Variants in RBM38 observed in about 807,000 individuals in gnomAD.
RBM38 encodes the protein RNA binding motif protein 38.
Under a neutral mutation model 23.5 loss-of-function variants are expected in RBM38, and 11 were observed. The ratio of observed to expected loss-of-function variants is 0.47; its 90% CI spans 0.29 to 0.77. The LOEUF (loss-of-function observed/expected upper bound fraction) is 0.77. Ranked by LOEUF, RBM38 falls within the 30% of genes least tolerant of loss-of-function variation. The pLI is 0.08. For missense variants in RBM38, 330 were observed against 351.9 expected, an observed-to-expected ratio of 0.94 and a Z score of 0.50; for synonymous variants, 165 against 166.1, an observed-to-expected ratio of 0.99 and a Z score of 0.05.
At chr20:57,397,070 C>T (rs2067281946) in intron 3 of RBM38, among the ~76,000 whole-genome samples, 1 of 152,170 alleles carries the variant, frequency 6.6e-6, no homozygotes, top group Admixed American at 6.5e-5. Context: ...GAGCAAGAGC[C>T]CTGGGGGTCT....
At chr20:57,406,736 G>A (rs1344623077) in intron 3 of RBM38, among the ~76,000 whole-genome samples, 6 of 152,218 alleles carry the variant, frequency 3.9e-5, no homozygotes, top group Non-Finnish European at 5.9e-5. Flanking sequence ...GCTCACGCCT[G>A]TAATCCCAGC....
At chr20:57,392,012 G>GCCCCCACCCCCACCCCCACCCCCA (rs539739783) in intron 1 of RBM38, among the ~76,000 whole-genome samples, 194 bp downstream of exon 1, 4 of 79,644 alleles carry the variant, frequency 5.0e-5, no homozygotes, top group Non-Finnish European at 9.8e-5. Flanking sequence ...CCAGGCCCCG[G>GCCCCCACCCCCACCCCCACCCCCA]CCCCCACCCC....
At chr20:57,395,015 A>G (rs2067259931) in intron 3 of RBM38, among the ~76,000 whole-genome samples, 1 of 152,210 alleles carries the variant, frequency 6.6e-6, no homozygotes, top group South Asian at 2.1e-4. Context: ...GCCCCTTACC[A>G]GCTGGGTCTG....
At chr20:57,394,905 C>T (rs1006729532) in intron 3 of RBM38, among the ~76,000 whole-genome samples, 1 of 152,064 alleles carries the variant, frequency 6.6e-6, no homozygotes, top group East Asian at 1.9e-4. Context: ...TTCCCACGTG[C>T]GTCTGGGCTC....
intron 3 of RBM38, among the ~76,000 whole-genome samples, chr20:57,395,756 C>T (rs773823699): frequency 1.7e-4 from 24 of 141,358 alleles, no homozygotes; most frequent in Non-Finnish European, 2.8e-4. Context: ...CGCCCGCTGA[C>T]GGAGCTGGAG....
At chr20:57,394,698 A>G (rs528551869) in intron 3 of RBM38, among the ~76,000 whole-genome samples, 2 of 152,200 alleles carry the variant, frequency 1.3e-5, no homozygotes, top group East Asian at 3.9e-4. Flanking sequence ...TGTAGCCTTC[A>G]TGCCTTCACC....
chr20:57,403,915 C>T (rs748806644), intron 3 of RBM38, among the ~76,000 whole-genome samples: 1 of 152,254 alleles, frequency 6.6e-6, no homozygotes, highest in Non-Finnish European at 1.5e-5. Flanking sequence ...CCACTGCGCC[C>T]AGCCTTCCGT....
chr20:57,400,906 C>T (rs1000423184), intron 3 of RBM38, among the ~76,000 whole-genome samples: 1 of 152,158 alleles, frequency 6.6e-6, no homozygotes. Flanking sequence ...GGCTCTGCAA[C>T]CCTGGGGAGC....
intron 1 of RBM38, 106 bp downstream of exon 1, chr20:57,391,924 C>A: frequency 2.5e-6 from 2 of 784,832 alleles, no homozygotes; most frequent in Non-Finnish European, 3.4e-6. Flanking sequence ...CTGCCGCCCC[C>A]GCCCCAGGCG....
In RBM38 at chr20:57,407,415, G is replaced by A; in HGVS notation, c.417-128G>A. On this transcript the variant is annotated intron_variant, in intron 3 of 3. Transcript: ENST00000356208. The surrounding 1 kb of genome is among the most constrained non-coding windows in gnomAD (Gnocchi z 4.0). ...GCATCTGGCCAGGTGCTGTTTCTGT[G>A]CCCATCTGACCGATGAGGAAAGTCG... The A allele has an allele frequency of 9.3e-7, 1 of 1,076,494 alleles. No individual in the cohort carries two copies. The allele number at this position is 1,076,494 out of a possible 1,614,324, so 66.7% of individuals were successfully genotyped here.
rs528096196 is a variant in RBM38, at chr20:57,393,652, A to G, written c.416+319A>G. On this transcript the variant is annotated intron_variant, in intron 3 of 3. Coordinates refer to ENST00000356208, the MANE Select transcript of RBM38 (RefSeq NM_017495.6). ...TCTGAGTTCTCTGAATGGAGGGCCT[A>G]GGGTGGGCCTGGTGCAGGTAACGCC... Among the ~76,000 whole-genome samples, 26 of 152,270 alleles carry G rather than the reference A, an allele frequency of 1.7e-4. No homozygotes were observed. The East Asian group carries it at 5.0e-3, about 29-fold the overall frequency.
In RBM38 at chr20:57,401,819, A is replaced by T. The variant is rs570954351; in HGVS notation, c.417-5724A>T. ...CAGGGAGGGCGCAGTGCAAGTGGAG[A>T]TGAGTTAGAAGAGGTAGGTTGAGGC... On this transcript the variant is annotated intron_variant, in intron 3 of 3. Transcript: ENST00000356208. 1.3e-5 allele frequency among the ~76,000 whole-genome samples: 2 copies of T among 152,200 alleles called. 1 individual carries two copies. The highest frequency in any genetic ancestry group is 4.2e-4 in the South Asian group (2 of 4,818).
intron 3 of RBM38, among the ~76,000 whole-genome samples, chr20:57,397,353 G>C (rs1226224248): frequency 6.6e-6 from 1 of 152,136 alleles, no homozygotes; most frequent in Non-Finnish European, 1.5e-5. Flanking sequence ...TGGGCTGCGA[G>C]ACTCTTGTCC....
At position 57,408,309 on chromosome 20, in the gene RBM38, C is replaced by G. The variant is rs970894087; in HGVS notation, c.*463C>G. The G allele has an allele frequency of 5.2e-6, 1 of 191,276 alleles. No individual in the cohort carries two copies. Among genetic ancestry groups the G allele is most frequent in the Admixed American group, 5.3e-5 (1 of 18,950 alleles). The allele number at this position is 191,276 out of a possible 1,614,324, so 11.8% of individuals were successfully genotyped here. The stretch of plus-strand genomic sequence containing the variant: ...AATGGACTGTTTATTGTAACTTGAT[C>G]CTCCCGAGCTGTGAGCGCAGTCTGA... On this transcript the variant is annotated 3_prime_UTR_variant, in exon 4 of 4. Coordinates refer to ENST00000356208, the MANE Select transcript of RBM38 (RefSeq NM_017495.6).
At chr20:57,395,375 T>G (rs2067263325) in intron 3 of RBM38, among the ~76,000 whole-genome samples, 1 of 152,068 alleles carries the variant, frequency 6.6e-6, no homozygotes, top group African/African-American at 2.4e-5. Context: ...CTTGCTGTCC[T>G]GGAGTCCTGT....
At chr20:57,404,231 C>G (rs1159129726) in intron 3 of RBM38, among the ~76,000 whole-genome samples, 1 of 152,240 alleles carries the variant, frequency 6.6e-6, no homozygotes, top group East Asian at 1.9e-4. Context: ...TTCTGTGTCC[C>G]TGGTCTGGGC....
chr20:57,392,907 G>A, intron 2 of RBM38, 130 bp downstream of exon 2: 1 of 1,275,886 alleles, frequency 7.8e-7, no homozygotes, highest in East Asian at 2.3e-5. Context: ...CTGCAGAGCC[G>A]GCACAGGGCA....
At chr20:57,400,444 A>ATGGCC (rs551968218) in intron 3 of RBM38, among the ~76,000 whole-genome samples, 241 of 152,216 alleles carry the variant, frequency 1.6e-3, no homozygotes, top group Non-Finnish European at 3.4e-4. Context: ...CCCTCCCGGC[A>ATGGCC]TGGCCTGGCC....
chr20:57,401,794 C>T (rs139029128), intron 3 of RBM38, among the ~76,000 whole-genome samples: 1 of 152,146 alleles, frequency 6.6e-6, no homozygotes, highest in African/African-American at 2.4e-5. Context: ...GGAGTGTGGC[C>T]AGGGAGGGCG....
Sources: gnomAD v4.1 joint callset for allele counts (sites outside exome capture counted in the v4.1 genomes callset) on GRCh38, gnomAD v4.1.1 for gene constraint, Gnocchi (gnomAD v3.1) non-coding constraint, MANE v1.5 for transcripts, NCBI Gene and HGNC (gene_info 2026-07-23, HGNC 2026-07-21) for gene names.